The following CFAP44 variants were observed in gnomAD, a reference collection of about 807,000 sequenced individuals.
CFAP44 encodes the protein cilia- and flagella-associated protein 44.
In CFAP44, 134 loss-of-function variants were observed where a neutral mutation model predicts 216.2. The ratio of observed to expected loss-of-function variants is 0.62; its 90% CI spans 0.54 to 0.72. The LOEUF (loss-of-function observed/expected upper bound fraction) is 0.72, where lower values mean the gene tolerates loss of function less well. Among genes scored for constraint, CFAP44 ranks in the 30% least tolerant of loss-of-function variants. The probability of loss-of-function intolerance (pLI) is 0.00; values close to 1 mark genes in which losing one functional copy is unlikely to be tolerated. For missense variants in CFAP44, 2,035 were observed against 2,182.1 expected (o/e 0.93, Z 1.34); for synonymous variants, 700 against 727.6 (o/e 0.96, Z 0.61).
At chr3:113,413,113 T>C (rs1011810794) in intron 6 of CFAP44, among the ~76,000 whole-genome samples, 1 of 152,226 alleles carries the variant, frequency 6.6e-6, no homozygotes, top group African/African-American at 2.4e-5. Flanking sequence ...TTTGCATTTC[T>C]CTGATGATCA....
intron 13 of CFAP44, 84 bp downstream of exon 13, chr3:113,399,822 C>A (rs2107358798): frequency 1.1e-6 from 1 of 913,190 alleles, no homozygotes; most frequent in Non-Finnish European, 1.6e-6. Flanking sequence ...TTTGAGTCAG[C>A]AAATATCTAT....
chr3:113,359,789 A>G (rs1165372017), intron 21 of CFAP44, among the ~76,000 whole-genome samples: 1 of 152,188 alleles, frequency 6.6e-6, no homozygotes, highest in Non-Finnish European at 1.5e-5. Flanking sequence ...AAAAAAAGCT[A>G]ACCACTAGCA....
intron 26 of CFAP44, among the ~76,000 whole-genome samples, chr3:113,328,696 T>TAAAAAAAAAAAAAAAAA (rs58650082): frequency 1.1e-4 from 3 of 28,528 alleles, no homozygotes; most frequent in African/African-American, 2.9e-4. Context: ...TTAGAGAGCT[T>TAAAAAAAAAAAAAAAAA]AAAAAAAAAA....
chr3:113,363,651 C>A, intron 19 of CFAP44, 119 bp from the exon 20 acceptor site: 2 of 878,716 alleles, frequency 2.3e-6, no homozygotes, highest in Non-Finnish European at 1.6e-6. Flanking sequence ...CTGCCAATTT[C>A]TAATAATTAT....
At chr3:113,425,205 T>G (rs1934927729) in intron 4 of CFAP44, among the ~76,000 whole-genome samples, 1 of 152,234 alleles carries the variant, frequency 6.6e-6, no homozygotes, top group African/African-American at 2.4e-5. Context: ...CATGTTCTAT[T>G]TTTATGTTTT....
At chr3:113,330,933 G>A (rs539693442) in intron 25 of CFAP44, among the ~76,000 whole-genome samples, 30 of 152,126 alleles carry the variant, frequency 2.0e-4, no homozygotes, top group Non-Finnish European at 3.1e-4. Flanking sequence ...CAGCTGGCTC[G>A]TGTGGCTGAG....
intron 24 of CFAP44, among the ~76,000 whole-genome samples, chr3:113,339,662 T>A (rs1307836110): frequency 2.0e-5 from 3 of 152,176 alleles, no homozygotes; most frequent in African/African-American, 7.2e-5. Flanking sequence ...AGACCGGGAT[T>A]TTCTTTCTAG....
chr3:113,408,734 G>C (rs1934362830), intron 7 of CFAP44, among the ~76,000 whole-genome samples: 4 of 151,892 alleles, frequency 2.6e-5, no homozygotes, highest in African/African-American at 9.7e-5. Context: ...GTTGTGGTGG[G>C]TGCCTGTAGT....
At chr3:113,358,217 T>A (rs1950508752) in intron 22 of CFAP44, among the ~76,000 whole-genome samples, 1 of 152,170 alleles carries the variant, frequency 6.6e-6, no homozygotes, top group African/African-American at 2.4e-5. Flanking sequence ...TGGAGTGCTA[T>A]AAATGTTCTC....
At chr3:113,319,330 A>G (rs1950119914) in intron 28 of CFAP44, among the ~76,000 whole-genome samples, 1 of 152,222 alleles carries the variant, frequency 6.6e-6, no homozygotes, top group Non-Finnish European at 1.5e-5. Context: ...AAAATTAAGA[A>G]GGATAATGAA....
chr3:113,427,111 T>C (rs1934981784), intron 3 of CFAP44, 76 bp downstream of exon 3: 1 of 1,475,524 alleles, frequency 6.8e-7, no homozygotes. Flanking sequence ...TTTCTATGGA[T>C]TTATAACTCT....
rs368536490 is a variant in CFAP44, at chr3:113,401,202, T to C, written c.1374+38A>G. ...AGACAAATAACAAAAGTTTTTACTA[T>C]GAAAGTTAGGAGAAAATAAGAATAA... On this transcript the variant is annotated intron_variant, in intron 11 of 34. Coordinates refer to ENST00000393845, the MANE Select transcript of CFAP44 (RefSeq NM_001164496.2). 15 of 1,534,420 alleles carry C rather than the reference T, an allele frequency of 9.8e-6. No individual in the cohort carries two copies. In the African/African-American group the frequency reaches 1.6e-4, roughly 16 times the overall value.
At chr3:113,381,159 C>A (rs948247350) in intron 15 of CFAP44, 99 bp from the exon 16 acceptor site, 14 of 851,584 alleles carry the variant, frequency 1.6e-5, no homozygotes, top group Non-Finnish European at 2.1e-5. Context: ...TGTATATTAG[C>A]CATGTTTAAA....
chr3:113,300,479 A>G (rs1949924141), intron 32 of CFAP44, among the ~76,000 whole-genome samples: 1 of 84,040 alleles, frequency 1.2e-5, no homozygotes, highest in African/African-American at 5.3e-5. Flanking sequence ...TCTTATAAAT[A>G]TATATATATA....
Position 113,304,037 on chromosome 3 carries a change from C to A in CFAP44, c.4956G>T (p.Leu1652=), listed in dbSNP as rs1213181799. The change falls in exon 32 of 35, where the codon CTG becomes CTT. Residue 1652 remains leucine (L), a synonymous_variant. Transcript: ENST00000393845. The part of the protein sequence containing the change: ...LVFSNHALRR[L]QERIHELQEE... The stretch of plus-strand genomic sequence containing the variant: ...CCTGGAGCTCATGGATTCGTTCTTG[C>A]AGCCGTCTCAAGGCATGGTTAGAGA... The A allele has an allele frequency of 6.5e-7, 1 of 1,537,368 alleles. No individual in the cohort carries two copies. The highest frequency in any genetic ancestry group is 2.0e-5 in the Admixed American group (1 of 50,996).
chr3:113,381,295 T>C (rs953296670), intron 15 of CFAP44, among the ~76,000 whole-genome samples: 1 of 152,214 alleles, frequency 6.6e-6, no homozygotes, highest in African/African-American at 2.4e-5. Flanking sequence ...TTATTAAAAT[T>C]AGATTTACAT....
intron 28 of CFAP44, among the ~76,000 whole-genome samples, chr3:113,310,130 T>G (rs975113597): frequency 6.6e-6 from 1 of 152,122 alleles, no homozygotes. Flanking sequence ...AGGGAGCCAG[T>G]ACATTTATTC....
chr3:113,396,872 C>G (rs1934007093), intron 13 of CFAP44, 145 bp from the exon 14 acceptor site: 3 of 770,572 alleles, frequency 3.9e-6, no homozygotes, highest in Non-Finnish European at 6.2e-6. Flanking sequence ...TAACCTCTAT[C>G]CATTCCAGCA....
chr3:113,411,872 G>A (rs1219152752), intron 6 of CFAP44, among the ~76,000 whole-genome samples: 8 of 151,790 alleles, frequency 5.3e-5, no homozygotes, highest in Non-Finnish European at 1.0e-4. Flanking sequence ...CTTGTAAGTT[G>A]GATTCCTAGG....
Sources: allele counts gnomAD v4.1 joint callset (sites outside exome capture counted in the v4.1 genomes callset), GRCh38; gene constraint gnomAD v4.1.1; transcripts MANE v1.5; gene names NCBI Gene and HGNC (gene_info 2026-07-23, HGNC 2026-07-21).